The following TMEM45A variants were observed in gnomAD, a reference collection of about 807,000 sequenced individuals.
The protein encoded by TMEM45A is DNA polymerase-transactivated protein 4.
A neutral mutation model predicts 32.0 loss-of-function variants in TMEM45A; 25 were observed. The observed-to-expected ratio is 0.78, with a 90% CI of 0.57 to 1.09. The LOEUF is 1.09. TMEM45A is among the 50% of genes least tolerant of loss of function. The pLI is 0.00. For synonymous variants in TMEM45A, 122 were observed against 114.8 expected (o/e 1.06, Z -0.40); for missense variants, 302 against 325.0 (o/e 0.93, Z 0.54).
intron 1 of TMEM45A, among the ~76,000 whole-genome samples, chr3:100,545,651 C>T (rs1258754033): frequency 6.6e-6 from 1 of 152,194 alleles, no homozygotes; most frequent in Non-Finnish European, 1.5e-5. Context: ...CTCTGTCCCT[C>T]CCTTGAATTA....
At chr3:100,526,383 G>C (rs1344772918) in intron 1 of TMEM45A, among the ~76,000 whole-genome samples, 2 of 152,076 alleles carry the variant, frequency 1.3e-5, no homozygotes, top group African/African-American at 4.8e-5. Flanking sequence ...TCTGGGCCAG[G>C]CATACTTGAG....
At chr3:100,569,179 C>G (rs1169602040) in intron 5 of TMEM45A, among the ~76,000 whole-genome samples, 3 of 152,208 alleles carry the variant, frequency 2.0e-5, no homozygotes, top group Non-Finnish European at 4.4e-5. Context: ...AGTGCCTCAG[C>G]TGTGCCTCTG....
intron 1 of TMEM45A, chr3:100,519,709 AT>A: frequency 8.3e-7 from 1 of 1,201,634 alleles, no homozygotes; most frequent in Non-Finnish European, 1.2e-6. Flanking sequence ...TGTACCGTGT[AT>A]TTATGACATT....
intron 1 of TMEM45A, among the ~76,000 whole-genome samples, chr3:100,510,659 A>T (rs1224375532): frequency 1.3e-5 from 2 of 152,380 alleles, no homozygotes; most frequent in African/African-American, 2.4e-5. Context: ...AAGGCTTCAG[A>T]TGATCAAATT....
intron 5 of TMEM45A, among the ~76,000 whole-genome samples, chr3:100,576,188 C>T (rs6803109): frequency 0.21 from 31,771 of 151,916 alleles, 4,231 homozygotes; most frequent in African/African-American, 0.36. Context: ...CAGTGGCTCA[C>T]GCCTGTAATC....
intron 4 of TMEM45A, among the ~76,000 whole-genome samples, chr3:100,565,337 C>T (rs1223672550): frequency 1.3e-5 from 2 of 152,072 alleles, no homozygotes; most frequent in East Asian, 3.9e-4. Context: ...GTTTTCTTTC[C>T]AATTAAAGGG....
intron 1 of TMEM45A, among the ~76,000 whole-genome samples, chr3:100,540,732 A>G (rs1287264927): frequency 2.0e-5 from 3 of 152,248 alleles, no homozygotes; most frequent in South Asian, 2.1e-4. Flanking sequence ...ATGTCCATAC[A>G]AAAACCTGCA....
intron 1 of TMEM45A, among the ~76,000 whole-genome samples, chr3:100,517,120 C>G (rs1292707083): frequency 4.6e-5 from 7 of 151,650 alleles, no homozygotes; most frequent in Non-Finnish European, 1.0e-4. Flanking sequence ...TTTTTCTTTT[C>G]TTTTCTTTTT....
chr3:100,500,872 T>C (rs944255137), intron 1 of TMEM45A, among the ~76,000 whole-genome samples: 1 of 152,266 alleles, frequency 6.6e-6, no homozygotes, highest in Non-Finnish European at 1.5e-5. Context: ...TCTCCAGAAT[T>C]CCTGGAATTC....
intron 1 of TMEM45A, among the ~76,000 whole-genome samples, chr3:100,523,588 A>T (rs778612353): frequency 1.3e-5 from 2 of 152,190 alleles, no homozygotes; most frequent in Non-Finnish European, 2.9e-5. Context: ...GAGTGGTCAG[A>T]GGAGGTTCCC....
At chr3:100,514,482 G>A (rs1209006468) in intron 1 of TMEM45A, among the ~76,000 whole-genome samples, 1 of 151,702 alleles carries the variant, frequency 6.6e-6, no homozygotes, top group East Asian at 1.9e-4. Context: ...AATTCAAGAT[G>A]GATTAAAGAC....
chr3:100,555,182 A>G (rs1186693292), intron 1 of TMEM45A, 27 bp from the exon 2 acceptor site: 25 of 1,565,732 alleles, frequency 1.6e-5, no homozygotes, highest in Non-Finnish European at 2.1e-5. Flanking sequence ...AATGTCTTTT[A>G]CTTTCTGTGT....
chr3:100,517,975 A>G (rs569160315), intron 1 of TMEM45A, among the ~76,000 whole-genome samples: 2 of 152,334 alleles, frequency 1.3e-5, no homozygotes, highest in South Asian at 4.1e-4. Flanking sequence ...CGTTTCTAAA[A>G]TTAACTTATT....
At chr3:100,534,570 C>T (rs1041492836) in intron 1 of TMEM45A, among the ~76,000 whole-genome samples, 6 of 152,164 alleles carry the variant, frequency 3.9e-5, no homozygotes, top group East Asian at 3.8e-4. Flanking sequence ...CCTGCAGCCC[C>T]GAGAGGGAAC....
At chr3:100,524,042 A>G (rs940137965) in intron 1 of TMEM45A, among the ~76,000 whole-genome samples, 11 of 152,252 alleles carry the variant, frequency 7.2e-5, no homozygotes, top group Non-Finnish European at 1.5e-4. Context: ...ATTAGCCTGC[A>G]ATAGTCAGAT....
At chr3:100,546,898 T>C (rs1234792274) in intron 1 of TMEM45A, among the ~76,000 whole-genome samples, 1 of 152,134 alleles carries the variant, frequency 6.6e-6, no homozygotes, top group African/African-American at 2.4e-5. Flanking sequence ...TGACATAGAG[T>C]AGGTCACTAA....
intron 1 of TMEM45A, among the ~76,000 whole-genome samples, chr3:100,513,470 G>A (rs1161014189): frequency 1.6e-4 from 24 of 149,558 alleles, no homozygotes; most frequent in South Asian, 6.3e-4. Context: ...TTGATGGGAC[G>A]TATCTCAAAA....
At chr3:100,539,408 C>T (rs190639135) in intron 1 of TMEM45A, among the ~76,000 whole-genome samples, 1 of 140,572 alleles carries the variant, frequency 7.1e-6, no homozygotes, top group Admixed American at 7.4e-5. Context: ...TATTAGGGTT[C>T]TCCAGAGAAA....
rs763935446 is a variant in TMEM45A, at chr3:100,555,159, A to G, written c.-3-50A>G. On this transcript the variant is annotated intron_variant, in intron 1 of 5. Coordinates refer to ENST00000323523, the MANE Select transcript of TMEM45A (RefSeq NM_018004.3). ...TGGAAACAAGTGATGTTTTGTCCAGATTCTGGCAATGAAATGTCTTTTACT... is the reference window on the plus strand; with the variant it reads ...TGGAAACAAGTGATGTTTTGTCCAGGTTCTGGCAATGAAATGTCTTTTACT... 6.7e-6 allele frequency: 10 copies of G among 1,494,946 alleles called. No homozygotes were observed. The African/African-American group carries it at 1.4e-4, about 21-fold the overall frequency. The allele number at this position is 1,494,946 out of a possible 1,614,324, so 92.6% of individuals were successfully genotyped here.
Sources: gnomAD v4.1 joint callset for allele counts (sites outside exome capture counted in the v4.1 genomes callset) on GRCh38, gnomAD v4.1.1 for gene constraint, MANE v1.5 for transcripts, NCBI Gene and HGNC (gene_info 2026-07-23, HGNC 2026-07-21) for gene names.